STAC: variants seen among roughly 807,000 people sequenced by gnomAD.
The protein encoded by STAC is SH3 and cysteine rich domain.
A neutral mutation model predicts 48.8 loss-of-function variants in STAC; 43 were observed. The observed-to-expected ratio is 0.88, with a 90% CI of 0.69 to 1.14. The LOEUF is 1.14. Among genes scored for constraint, STAC ranks in the 50% most tolerant of loss-of-function variants. The probability of loss-of-function intolerance (pLI) is 0.00; values close to 1 mark genes in which losing one functional copy is unlikely to be tolerated. For synonymous variants in STAC, 193 were observed against 179.5 expected, an observed-to-expected ratio of 1.07 and a Z score of -0.60; for missense variants, 497 against 504.0, an observed-to-expected ratio of 0.99 and a Z score of 0.13.
At chr3:36,394,289 G>A (rs1455208795) in intron 1 of STAC, among the ~76,000 whole-genome samples, 1 of 152,204 alleles carries the variant, frequency 6.6e-6, no homozygotes, top group Non-Finnish European at 1.5e-5. Context: ...AGGGGCTACT[G>A]TATTAAACAC....
rs1698712104 is a variant in STAC, at chr3:36,517,861, T to TCACACACACACACATACATGCACATA, written c.921-10825_921-10800dup. ...AATAACCTCCCACACACACTCACAG[T>TCACACACACACACATACATGCACATA]CACACACACACACATACATGCACAT... On this transcript the variant is annotated intron_variant, in intron 8 of 10. Coordinates refer to ENST00000273183, the MANE Select transcript of STAC (RefSeq NM_003149.3). Among the ~76,000 whole-genome samples, 3 of 150,976 alleles carry TCACACACACACACATACATGCACATA rather than the reference T, an allele frequency of 2.0e-5. No individual in the cohort carries two copies. In the South Asian group the frequency reaches 6.3e-4, roughly 32 times the overall value.
At chr3:36,423,629 G>A (rs1700495817) in intron 1 of STAC, among the ~76,000 whole-genome samples, 2 of 152,074 alleles carry the variant, frequency 1.3e-5, no homozygotes, top group Admixed American at 1.3e-4. Flanking sequence ...TTTATCCTCA[G>A]TTGAACTAGA....
intron 2 of STAC, among the ~76,000 whole-genome samples, chr3:36,458,121 T>A (rs1334278860): frequency 6.6e-6 from 1 of 152,140 alleles, no homozygotes; most frequent in Admixed American, 6.6e-5. Flanking sequence ...TAAAGGGTCC[T>A]TTCTGCTTGC....
chr3:36,424,551 A>G (rs1400378935), intron 1 of STAC, among the ~76,000 whole-genome samples: 1 of 152,168 alleles, frequency 6.6e-6, no homozygotes. Flanking sequence ...CAATAAGTGC[A>G]TCTAGTGCGC....
At position 36,443,679 on chromosome 3, in the gene STAC, C is replaced by T; in HGVS notation, c.388+39C>T. 1 of 1,596,128 alleles carries T rather than the reference C, an allele frequency of 6.3e-7. No homozygotes were observed. Among genetic ancestry groups the T allele is most frequent in the Non-Finnish European group, 8.5e-7 (1 of 1,175,558 alleles). ...CCCCTTTCTCCAGATCCCAGCACCC[C>T]CGGAAAGCTGAGTGAGAGTGGTGTG... On this transcript the variant is annotated intron_variant, in intron 2 of 10. Coordinates refer to ENST00000273183, the MANE Select transcript of STAC (RefSeq NM_003149.3). This position sits in a 1 kb window ranked among gnomAD's most constrained non-coding sequence, Gnocchi z 4.2.
intron 2 of STAC, among the ~76,000 whole-genome samples, chr3:36,462,101 A>G (rs1334810117): frequency 1.3e-5 from 2 of 152,156 alleles, no homozygotes; most frequent in East Asian, 1.9e-4. Flanking sequence ...GATTGTTCAT[A>G]TATTTTGAAT....
At chr3:36,380,822 T>C in intron 1 of STAC, 68 bp downstream of exon 1, 1 of 1,240,986 alleles carries the variant, frequency 8.1e-7, no homozygotes, top group South Asian at 1.4e-5. Flanking sequence ...CAGCTTTGTC[T>C]CTCCTCCTAT....
chr3:36,463,095 A>G (rs968791920), intron 2 of STAC, among the ~76,000 whole-genome samples: 2 of 152,174 alleles, frequency 1.3e-5, no homozygotes, highest in Non-Finnish European at 2.9e-5. Flanking sequence ...TTTTACACTT[A>G]TAAGTAAGAT....
intron 8 of STAC, among the ~76,000 whole-genome samples, chr3:36,512,856 A>C (rs1698576849): frequency 6.6e-6 from 1 of 152,164 alleles, no homozygotes; most frequent in African/African-American, 2.4e-5. Flanking sequence ...AGAATGTGTA[A>C]GGCAATCCTT....
intron 2 of STAC, among the ~76,000 whole-genome samples, chr3:36,480,482 G>A (rs1416909642): frequency 6.6e-6 from 1 of 152,110 alleles, no homozygotes; most frequent in Non-Finnish European, 1.5e-5. Context: ...TCAGAGGTTT[G>A]CCTGTTGCTT....
At chr3:36,445,205 C>T (rs868103060) in intron 2 of STAC, among the ~76,000 whole-genome samples, 1 of 152,142 alleles carries the variant, frequency 6.6e-6, no homozygotes, top group African/African-American at 2.4e-5. Context: ...ATTCTAGGTA[C>T]ATCTCAAGTA....
At chr3:36,511,958 A>T (rs1383136208) in intron 8 of STAC, among the ~76,000 whole-genome samples, 1 of 152,172 alleles carries the variant, frequency 6.6e-6, no homozygotes, top group Non-Finnish European at 1.5e-5. Flanking sequence ...ACATCATAGC[A>T]GATTTATTTA....
chr3:36,493,188 G>A lies in STAC; in HGVS notation c.725G>A (p.Gly242Glu), dbSNP rs1352430396. ...DLVEVPEEAN[G>E]PGGGYDLRKR... ...GTGGAGGTTCCTGAGGAAGCCAATG[G>A]GCCAGGAGGCGGGTATGACCTAAGG... The change falls in exon 6 of 11, where the codon GGG (glycine) becomes GAG (glutamate). Residue 242 changes from glycine to glutamate, a missense_variant. Gly to Glu is a moderately conservative substitution (Grantham distance 98, BLOSUM62 -2). Coordinates refer to ENST00000273183, the MANE Select transcript of STAC (RefSeq NM_003149.3). The A allele has an allele frequency of 6.2e-7, 1 of 1,613,496 alleles. No homozygotes were observed. The highest frequency in any genetic ancestry group is 1.7e-5 in the Admixed American group (1 of 59,996).
chr3:36,407,151 A>G (rs1020297815), intron 1 of STAC, among the ~76,000 whole-genome samples: 2 of 152,268 alleles, frequency 1.3e-5, no homozygotes, highest in African/African-American at 4.8e-5. Flanking sequence ...CAGTAGGTCT[A>G]TTCAAAAAGT....
At chr3:36,544,048 G>A (rs77430638) in intron 10 of STAC, among the ~76,000 whole-genome samples, 16,523 of 152,108 alleles carry the variant, frequency 0.11, 1,122 homozygotes, top group Non-Finnish European at 0.15. Flanking sequence ...ATTTTGACAC[G>A]TAGAAGTAGG....
intron 8 of STAC, among the ~76,000 whole-genome samples, chr3:36,516,306 G>C (rs1181260089): frequency 2.0e-5 from 3 of 151,864 alleles, no homozygotes; most frequent in Non-Finnish European, 4.4e-5. Context: ...TTGACATAGT[G>C]AGCTTAGAGT....
chr3:36,544,459 C>T (rs974216092), intron 10 of STAC, among the ~76,000 whole-genome samples: 7 of 152,042 alleles, frequency 4.6e-5, no homozygotes, highest in Non-Finnish European at 7.4e-5. Flanking sequence ...CATGAGCCAC[C>T]GCACCCGGCC....
rs1346550402 is a variant in STAC, at chr3:36,453,661, C to T, written c.388+10021C>T. ...CCTGCTCCACGGCGCCCAATCCCAT[C>T]GACCACCCAAGGGCTGAGGAGTGCT... On this transcript the variant is annotated intron_variant, in intron 2 of 10. Transcript: ENST00000273183. Among the ~76,000 whole-genome samples the T allele has an allele frequency of 4.0e-5, 4 of 99,036 alleles. 2 individuals are homozygous for T. The highest frequency in any genetic ancestry group is 9.8e-5 in the Non-Finnish European group (4 of 40,854). The allele number at this position is 99,036 out of a possible 152,430, so 65.0% of individuals were successfully genotyped here.
At chr3:36,493,310 C>T (rs543808165) in intron 6 of STAC, 81 bp downstream of exon 6, 83 of 1,279,778 alleles carry the variant, frequency 6.5e-5, no homozygotes, top group Non-Finnish European at 7.9e-6. Flanking sequence ...TTCCAGTCCC[C>T]TTGCTTTCTC....
Sources: gnomAD v4.1 joint callset for allele counts (sites outside exome capture counted in the v4.1 genomes callset) on GRCh38, gnomAD v4.1.1 for gene constraint, Gnocchi (gnomAD v3.1) non-coding constraint, MANE v1.5 for transcripts, NCBI Gene and HGNC (gene_info 2026-07-23, HGNC 2026-07-21) for gene names.